The following CCDC172 variants were observed in gnomAD, a reference collection of about 807,000 sequenced individuals.
CCDC172 encodes the protein coiled-coil domain-containing protein 172.
CCDC172 carries 30 observed loss-of-function variants against 38.0 expected under a neutral mutation model. The observed-to-expected ratio is 0.79, with a 90% CI of 0.59 to 1.07. The LOEUF is 1.07. Ranked by LOEUF, CCDC172 falls within the 50% of genes least tolerant of loss-of-function variation. The probability of loss-of-function intolerance (pLI) is 0.00; values close to 1 mark genes in which losing one functional copy is unlikely to be tolerated. For missense variants in CCDC172, 297 were observed against 290.1 expected (o/e 1.02, Z -0.17); for synonymous variants, 78 against 88.3 (o/e 0.88, Z 0.66).
intron 5 of CCDC172, among the ~76,000 whole-genome samples, chr10:116,356,326 C>A (rs754515042): frequency 5.3e-5 from 7 of 132,838 alleles, no homozygotes; most frequent in African/African-American, 1.5e-4. Flanking sequence ...CAAGACTCCA[C>A]TCAGAAAAAA....
At chr10:116,372,859 A>G (rs189897441) in intron 7 of CCDC172, among the ~76,000 whole-genome samples, 112 of 152,312 alleles carry the variant, frequency 7.4e-4, no homozygotes, top group Non-Finnish European at 1.3e-3. Flanking sequence ...AAATCATGCA[A>G]ACCAGAAGAC....
intron 3 of CCDC172, 34 bp from the exon 4 acceptor site, chr10:116,340,700 G>C (rs760576448): frequency 1.9e-6 from 2 of 1,060,180 alleles, no homozygotes; most frequent in East Asian, 4.8e-5. Context: ...CTAATTAATT[G>C]TTTTATTCTG....
intron 7 of CCDC172, among the ~76,000 whole-genome samples, chr10:116,359,276 G>C (rs1845036395): frequency 6.6e-6 from 1 of 152,158 alleles, no homozygotes; most frequent in Non-Finnish European, 1.5e-5. Context: ...ATAAGACATT[G>C]ATTCAGCTTC....
intron 5 of CCDC172, among the ~76,000 whole-genome samples, chr10:116,350,250 A>G (rs934743772): frequency 1.1e-4 from 16 of 152,200 alleles, no homozygotes; most frequent in Non-Finnish European, 4.4e-5. Context: ...TTGAGAACAC[A>G]GTTAAGGGAG....
At chr10:116,342,233 A>G (rs750080200) in intron 5 of CCDC172, 32 bp downstream of exon 5, 10 of 1,500,926 alleles carry the variant, frequency 6.7e-6, no homozygotes, top group South Asian at 1.4e-5. Flanking sequence ...TTTGTCTTGC[A>G]TTAATGAAAA....
chr10:116,374,130 G>A (rs893413702), intron 7 of CCDC172, among the ~76,000 whole-genome samples: 27 of 152,166 alleles, frequency 1.8e-4, no homozygotes, highest in Non-Finnish European at 2.9e-4. Context: ...TAGTCATTTC[G>A]TAGCCATCTG....
intron 5 of CCDC172, among the ~76,000 whole-genome samples, chr10:116,351,514 A>C (rs1424786082): frequency 6.6e-6 from 1 of 152,186 alleles, no homozygotes; most frequent in Non-Finnish European, 1.5e-5. Context: ...TTGGGATTTA[A>C]AGATGAATGA....
chr10:116,377,480 C>G lies in CCDC172; in HGVS notation c.654-943C>G, dbSNP rs200234743. Among the ~76,000 whole-genome samples, 16 of 152,272 alleles carry G rather than the reference C, an allele frequency of 1.1e-4. No individual in the cohort carries two copies. In the East Asian group the frequency reaches 2.9e-3, roughly 28 times the overall value. On this transcript the variant is annotated intron_variant, in intron 7 of 8. Transcript: ENST00000333254. ...GTAATAAACCTGAATGTAACCGCTT[C>G]AGTTCTAACCAACCTATTTTTTTGT...
intron 3 of CCDC172, among the ~76,000 whole-genome samples, chr10:116,331,170 A>G (rs1844657924): frequency 6.6e-6 from 1 of 152,074 alleles, no homozygotes; most frequent in South Asian, 2.1e-4. Flanking sequence ...ATGCAATAGG[A>G]TTATTGTTAT....
chr10:116,372,681 A>G (rs1175288451), intron 7 of CCDC172, among the ~76,000 whole-genome samples: 1 of 152,208 alleles, frequency 6.6e-6, no homozygotes. Context: ...AGAAGCTCAG[A>G]GAGCCCCAAG....
intron 5 of CCDC172, among the ~76,000 whole-genome samples, chr10:116,352,771 T>C (rs1185234091): frequency 6.7e-6 from 1 of 148,226 alleles, no homozygotes; most frequent in Non-Finnish European, 1.5e-5. Flanking sequence ...GGCAGAGCAA[T>C]TAGGAAAAAA....
chr10:116,333,445 T>C (rs1844690590), intron 3 of CCDC172, among the ~76,000 whole-genome samples: 1 of 152,174 alleles, frequency 6.6e-6, no homozygotes, highest in Non-Finnish European at 1.5e-5. Context: ...TCTTATTTGT[T>C]GAGGAAGATG....
chr10:116,345,450 A>G (rs1379113771), intron 5 of CCDC172, among the ~76,000 whole-genome samples: 1 of 152,214 alleles, frequency 6.6e-6, no homozygotes, highest in East Asian at 1.9e-4. Context: ...CTTAGATGGG[A>G]CACAAGAATC....
chr10:116,331,654 CCTTT>C (rs1452806077), intron 3 of CCDC172, among the ~76,000 whole-genome samples: 1 of 151,916 alleles, frequency 6.6e-6, no homozygotes, highest in Non-Finnish European at 1.5e-5. Context: ...TGATTTGATG[CCTTT>C]CTTACATGGT....
At chr10:116,365,116 T>C (rs145876284) in intron 7 of CCDC172, among the ~76,000 whole-genome samples, 2 of 152,296 alleles carry the variant, frequency 1.3e-5, no homozygotes, top group East Asian at 1.9e-4. Flanking sequence ...AAGCATGAGA[T>C]CTACTTACCA....
At chr10:116,353,110 A>G (rs1377152716) in intron 5 of CCDC172, among the ~76,000 whole-genome samples, 2 of 151,896 alleles carry the variant, frequency 1.3e-5, no homozygotes, top group Admixed American at 6.6e-5. Flanking sequence ...GGAGAATGGC[A>G]TGAAACCTGG....
At chr10:116,368,640 T>G (rs540363819) in intron 7 of CCDC172, among the ~76,000 whole-genome samples, 1 of 152,078 alleles carries the variant, frequency 6.6e-6, no homozygotes, top group Admixed American at 6.6e-5. Context: ...TTCTTTTACA[T>G]ACCTCCCTCA....
At chr10:116,367,966 C>T (rs1845143722) in intron 7 of CCDC172, among the ~76,000 whole-genome samples, 1 of 151,974 alleles carries the variant, frequency 6.6e-6, no homozygotes, top group African/African-American at 2.4e-5. Context: ...GGTGTCAAGG[C>T]TAGTTGTTTT....
In CCDC172 at chr10:116,358,544, T is replaced by C. The variant is rs188485648; in HGVS notation, c.653+606T>C. Among the ~76,000 whole-genome samples the C allele has an allele frequency of 2.2e-3, 339 of 152,288 alleles. 1 individual carries two copies. Among genetic ancestry groups the C allele is most frequent in the African/African-American group, 7.5e-3 (311 of 41,574 alleles). On this transcript the variant is annotated intron_variant, in intron 7 of 8. Transcript: ENST00000333254. ...TAATTTTAAAGAAGTTCCTGCACTT[T>C]CTAGGTTTCATATAAGAAAAGAAAC... is the stretch of plus-strand genomic sequence containing the variant.
Sources: allele counts gnomAD v4.1 joint callset (sites outside exome capture counted in the v4.1 genomes callset), GRCh38; gene constraint gnomAD v4.1.1; transcripts MANE v1.5; gene names NCBI Gene and HGNC (gene_info 2026-07-23, HGNC 2026-07-21).